SHISA9: variants seen among roughly 807,000 people sequenced by gnomAD.
SHISA9 encodes the protein shisa family member 9.
Under a neutral mutation model 38.0 loss-of-function variants are expected in SHISA9, and 13 were observed. That is an observed-to-expected ratio of 0.34 (90% CI 0.22 to 0.54). The LOEUF (loss-of-function observed/expected upper bound fraction) is 0.54, where lower values mean the gene tolerates loss of function less well. SHISA9 is among the 20% of genes least tolerant of loss of function. The probability of loss-of-function intolerance (pLI) is 0.91; values close to 1 mark genes in which losing one functional copy is unlikely to be tolerated. For synonymous variants in SHISA9, 275 were observed against 242.0 expected (o/e 1.14, Z -1.27); for missense variants, 538 against 575.8 (o/e 0.93, Z 0.67).
chr16:13,468,244 A>G, the SHISA9 span, among the ~76,000 whole-genome samples: 2 of 152,208 alleles, frequency 1.3e-5, no homozygotes, highest in Non-Finnish European at 2.9e-5. Context: ...GAAACCAAAT[A>G]TATTTATCTC....
chr16:13,411,475 A>G, the SHISA9 span, among the ~76,000 whole-genome samples: 1 of 152,226 alleles, frequency 6.6e-6, no homozygotes, highest in Non-Finnish European at 1.5e-5. Flanking sequence ...ATTATGACTT[A>G]AACACAAAGA....
At chr16:13,269,819 C>T in the SHISA9 span, among the ~76,000 whole-genome samples, 2 of 152,054 alleles carry the variant, frequency 1.3e-5, no homozygotes, top group Admixed American at 1.3e-4. Context: ...TATAACTTGC[C>T]CAAGGCCATC....
the SHISA9 span, among the ~76,000 whole-genome samples, chr16:13,334,838 G>A: frequency 1.3e-5 from 2 of 151,554 alleles, no homozygotes; most frequent in East Asian, 3.9e-4. Flanking sequence ...TACATATTGA[G>A]AGAAATAGGG....
chr16:13,376,748 C>T, the SHISA9 span, among the ~76,000 whole-genome samples: 1 of 152,082 alleles, frequency 6.6e-6, no homozygotes, highest in East Asian at 1.9e-4. Context: ...GGCTGGAGTG[C>T]AGTGGCATGA....
At chr16:13,538,714 T>C in the SHISA9 span, among the ~76,000 whole-genome samples, 1 of 152,162 alleles carries the variant, frequency 6.6e-6, no homozygotes, top group African/African-American at 2.4e-5. Flanking sequence ...ACTGTAGCAT[T>C]TCAATTACAG....
the SHISA9 span, among the ~76,000 whole-genome samples, chr16:13,461,624 T>A: frequency 2.2e-4 from 6 of 26,952 alleles, no homozygotes; most frequent in Middle Eastern, 0.024. Context: ...TTTTTTTTAA[T>A]TTTTTTTTTT....
chr16:13,299,673 C>T, the SHISA9 span, among the ~76,000 whole-genome samples: 6 of 151,398 alleles, frequency 4.0e-5, no homozygotes, highest in Non-Finnish European at 8.8e-5. Context: ...AGATTGCACC[C>T]CTGCACTTTA....
chr16:13,414,921 C>T, the SHISA9 span, among the ~76,000 whole-genome samples: 1 of 152,164 alleles, frequency 6.6e-6, no homozygotes, highest in Admixed American at 6.5e-5. Context: ...GCGTGAGCCA[C>T]TGTGCCTGGC....
chr16:13,117,694 G>C (rs2074044238), intron 2 of SHISA9, among the ~76,000 whole-genome samples: 1 of 152,186 alleles, frequency 6.6e-6, no homozygotes. Context: ...CTTGGGAAGG[G>C]GCATGGCCCT....
chr16:13,100,182 T>C (rs1305943577), intron 2 of SHISA9, among the ~76,000 whole-genome samples: 1 of 152,236 alleles, frequency 6.6e-6, no homozygotes, highest in African/African-American at 2.4e-5. Flanking sequence ...TGTGCTGCAT[T>C]GATCTATGGA....
chr16:13,293,780 A>G, the SHISA9 span, among the ~76,000 whole-genome samples: 1 of 152,166 alleles, frequency 6.6e-6, no homozygotes. Flanking sequence ...CTGTCATTGC[A>G]CAGCCAGAAT....
At chr16:13,063,442 A>G (rs1012086306) in intron 2 of SHISA9, among the ~76,000 whole-genome samples, 3 of 152,120 alleles carry the variant, frequency 2.0e-5, no homozygotes, top group Non-Finnish European at 4.4e-5. Context: ...TACACAAAGC[A>G]TGTTCACCAT....
At chr16:13,389,829 T>A in the SHISA9 span, among the ~76,000 whole-genome samples, 2 of 152,206 alleles carry the variant, frequency 1.3e-5, no homozygotes, top group Admixed American at 6.5e-5. Context: ...CAATGCAATA[T>A]CTCCACTGGC....
At chr16:13,549,146 G>A in the SHISA9 span, among the ~76,000 whole-genome samples, 59,748 of 151,996 alleles carry the variant, frequency 0.39, 12,110 homozygotes, top group East Asian at 0.61. Context: ...TCTCTCTCAT[G>A]TGTAGAATGT....
the SHISA9 span, among the ~76,000 whole-genome samples, chr16:13,288,755 C>T: frequency 6.6e-6 from 1 of 152,180 alleles, no homozygotes; most frequent in Non-Finnish European, 1.5e-5. Context: ...CACACCACTG[C>T]ACTCCAGCTT....
the SHISA9 span, among the ~76,000 whole-genome samples, chr16:13,502,219 A>G: frequency 1.4e-5 from 2 of 138,942 alleles, no homozygotes; most frequent in South Asian, 2.3e-4. Flanking sequence ...AAACCAAAGC[A>G]AGCATTTGGA....
chr16:13,377,639 C>G, the SHISA9 span, among the ~76,000 whole-genome samples: 3 of 152,186 alleles, frequency 2.0e-5, no homozygotes, highest in Non-Finnish European at 2.9e-5. Context: ...TCTGTTGGGT[C>G]TCATTGAATG....
intron 2 of SHISA9, among the ~76,000 whole-genome samples, chr16:13,069,487 A>G (rs1333076545): frequency 6.6e-6 from 1 of 150,960 alleles, no homozygotes; most frequent in Admixed American, 6.6e-5. Flanking sequence ...ATGTGTACAC[A>G]CAATGCATGC....
the SHISA9 span, among the ~76,000 whole-genome samples, chr16:13,430,036 T>A: frequency 1.3e-5 from 2 of 152,152 alleles, no homozygotes; most frequent in African/African-American, 4.8e-5. Context: ...GAGGAGAAAT[T>A]AGAACACTGA....
Sources: gnomAD v4.1 joint callset for allele counts (sites outside exome capture counted in the v4.1 genomes callset) on GRCh38, gnomAD v4.1.1 for gene constraint, MANE v1.5 for transcripts, NCBI Gene and HGNC (gene_info 2026-07-23, HGNC 2026-07-21) for gene names.